GALNT10: variants seen among roughly 807,000 people sequenced by gnomAD.
The protein encoded by GALNT10 is polypeptide N-acetylgalactosaminyltransferase 10.
In GALNT10, 41 loss-of-function variants were observed where a neutral mutation model predicts 75.0. The ratio of observed to expected loss-of-function variants is 0.55; its 90% CI spans 0.43 to 0.71. GALNT10 has a LOEUF of 0.71. Ranked by LOEUF, GALNT10 falls within the 30% of genes least tolerant of loss-of-function variation. The probability of loss-of-function intolerance (pLI) is 0.00; values close to 1 mark genes in which losing one functional copy is unlikely to be tolerated. For synonymous variants in GALNT10, 302 were observed against 313.0 expected (o/e 0.96, Z 0.37); for missense variants, 727 against 818.5 (o/e 0.89, Z 1.36).
chr5:154,332,487 C>T (rs1056303370), intron 4 of GALNT10, among the ~76,000 whole-genome samples: 2 of 152,210 alleles, frequency 1.3e-5, no homozygotes, highest in Non-Finnish European at 2.9e-5. Flanking sequence ...CTCGCCTCAT[C>T]CCATCATCAT....
chr5:154,331,321 A>G (rs1374666413), intron 4 of GALNT10, among the ~76,000 whole-genome samples: 1 of 152,178 alleles, frequency 6.6e-6, no homozygotes, highest in Non-Finnish European at 1.5e-5. Context: ...CCACAAAGCG[A>G]GGCCTATGAG....
intron 7 of GALNT10, chr5:154,392,140 C>T (rs1384681045): frequency 6.6e-6 from 1 of 152,314 alleles, no homozygotes; most frequent in Non-Finnish European, 1.5e-5. Flanking sequence ...CGGGCCAGCC[C>T]CTCTCTGCAG....
Position 154,338,242 on chromosome 5 carries a change from A to G in GALNT10, c.568+8504A>G, listed in dbSNP as rs886231615. ...CTGCATCCATCTTCTCCACGGTGGCATAGGTGGCAAACCCACAGCCCCTGG... is the reference window on the plus strand; with the variant it reads ...CTGCATCCATCTTCTCCACGGTGGCGTAGGTGGCAAACCCACAGCCCCTGG... On this transcript the variant is annotated intron_variant, in intron 4 of 11. Transcript: ENST00000297107. 5.2e-5 allele frequency: 38 copies of G among 727,162 alleles called. No homozygotes were observed. The Admixed American group carries it at 5.6e-4, about 11-fold the overall frequency. The allele number at this position is 727,162 out of a possible 1,614,324, so 45.0% of individuals were successfully genotyped here.
intron 4 of GALNT10, among the ~76,000 whole-genome samples, chr5:154,374,072 C>T (rs1339539971): frequency 6.6e-6 from 1 of 152,100 alleles, no homozygotes; most frequent in Non-Finnish European, 1.5e-5. Flanking sequence ...TTTTTTCGAA[C>T]ATAGTGTTCC....
At chr5:154,228,290 A>G (rs964236922) in intron 1 of GALNT10, among the ~76,000 whole-genome samples, 3 of 152,184 alleles carry the variant, frequency 2.0e-5, no homozygotes, top group African/African-American at 7.2e-5. Context: ...TTGTTTTTCT[A>G]CTGATACTCA....
Position 154,347,577 on chromosome 5 carries a change from G to A in GALNT10, c.568+17839G>A, listed in dbSNP as rs562664454. Among the ~76,000 whole-genome samples the A allele has an allele frequency of 6.6e-5, 10 of 151,948 alleles. No individual in the cohort carries two copies. The East Asian group carries it at 1.6e-3, about 24-fold the overall frequency. ...AGGTCTCGCTGTGTTGCCCAGGCTGGTCTCAAATTCCTGAGCCCAAGTGAT... is the reference window on the plus strand; with the variant it reads ...AGGTCTCGCTGTGTTGCCCAGGCTGATCTCAAATTCCTGAGCCCAAGTGAT... On this transcript the variant is annotated intron_variant, in intron 4 of 11. Coordinates refer to ENST00000297107, the MANE Select transcript of GALNT10 (RefSeq NM_198321.4).
chr5:154,414,088 A>C (rs564214653), intron 10 of GALNT10, among the ~76,000 whole-genome samples: 2 of 152,352 alleles, frequency 1.3e-5, no homozygotes, highest in Admixed American at 1.3e-4. Flanking sequence ...AATTACAAGG[A>C]AATTCCAGCA....
chr5:154,401,567 G>A (rs1319670304), intron 7 of GALNT10, among the ~76,000 whole-genome samples: 2 of 152,206 alleles, frequency 1.3e-5, no homozygotes, highest in Non-Finnish European at 2.9e-5. Flanking sequence ...ACCATCAGGA[G>A]CCCATTATCT....
At chr5:154,358,988 A>G (rs1034069377) in intron 4 of GALNT10, among the ~76,000 whole-genome samples, 1 of 152,172 alleles carries the variant, frequency 6.6e-6, no homozygotes, top group East Asian at 1.9e-4. Context: ...CTGTGTGTGT[A>G]TGAGCCTTTG....
rs370016744 is a variant in GALNT10, at chr5:154,313,959, C to T, written c.402-15613C>T. ...AGTCAGTTTCTTGATGGCTCCAAGA[C>T]GACTGGACATAGTCTTTCTGAGAAT... On this transcript the variant is annotated intron_variant, in intron 3 of 11. Transcript: ENST00000297107. Among the ~76,000 whole-genome samples the T allele has an allele frequency of 5.5e-4, 83 of 152,276 alleles. 1 individual carries two copies. Among genetic ancestry groups the T allele is most frequent in the Admixed American group, 4.2e-3 (65 of 15,302 alleles).
At chr5:154,400,214 G>A (rs1582012978) in intron 7 of GALNT10, among the ~76,000 whole-genome samples, 1 of 152,298 alleles carries the variant, frequency 6.6e-6, no homozygotes, top group African/African-American at 2.4e-5. Flanking sequence ...GGGGGCGGGG[G>A]TGAGGGGCTG....
chr5:154,342,515 G>A (rs566321775), intron 4 of GALNT10, among the ~76,000 whole-genome samples: 1 of 152,338 alleles, frequency 6.6e-6, no homozygotes, highest in East Asian at 1.9e-4. Context: ...ATTCTTAACA[G>A]ACATCTCAGA....
At chr5:154,404,249 G>A (rs200151988) in intron 8 of GALNT10, 38 bp downstream of exon 8, 10 of 1,330,732 alleles carry the variant, frequency 7.5e-6, no homozygotes, top group South Asian at 6.9e-5. Context: ...AGAAGGGGTT[G>A]GCCTAGGACC....
chr5:154,277,100 C>T lies in GALNT10; in HGVS notation c.160-17716C>T, dbSNP rs1226729874. 2.0e-5 allele frequency among the ~76,000 whole-genome samples: 3 copies of T among 152,062 alleles called. No individual in the cohort carries two copies. In the South Asian group the frequency reaches 6.2e-4, roughly 32 times the overall value. ...GTTGCTCAAAGGACTACACATCAGT[C>T]GGGTGGTTTCTCTGGCCTTGGCTGT... On this transcript the variant is annotated intron_variant, in intron 1 of 11. Coordinates refer to ENST00000297107, the MANE Select transcript of GALNT10 (RefSeq NM_198321.4).
intron 1 of GALNT10, among the ~76,000 whole-genome samples, chr5:154,205,548 G>A (rs1217598777): frequency 6.6e-6 from 1 of 152,134 alleles, no homozygotes; most frequent in East Asian, 1.9e-4. Context: ...CTCATGGGTT[G>A]AATCATGTCT....
chr5:154,371,537 A>AGTGT (rs757305979), intron 4 of GALNT10, among the ~76,000 whole-genome samples: 5,319 of 70,718 alleles, frequency 0.075, 123 homozygotes, highest in Middle Eastern at 0.18. Flanking sequence ...GACACACCAC[A>AGTGT]GTGTGTGTGT....
intron 7 of GALNT10, among the ~76,000 whole-genome samples, chr5:154,397,722 C>T (rs1756076633): frequency 6.6e-6 from 1 of 152,216 alleles, no homozygotes; most frequent in Non-Finnish European, 1.5e-5. Context: ...AGCTGAGATG[C>T]CAACGGCAAA....
intron 1 of GALNT10, among the ~76,000 whole-genome samples, chr5:154,257,434 G>A (rs12521748): frequency 0.23 from 35,472 of 152,124 alleles, 4,969 homozygotes; most frequent in Admixed American, 0.38. Context: ...ATTTTTAAAC[G>A]ACATTTGTCT....
chr5:154,266,990 ATCTTAGCACCTTCTGCTAATAT>A (rs2113030535), intron 1 of GALNT10, among the ~76,000 whole-genome samples: 1 of 152,270 alleles, frequency 6.6e-6, no homozygotes, highest in Non-Finnish European at 1.5e-5. Flanking sequence ...TCCCCTGTAG[ATCTTAGCACCTTCTGCTAATAT>A]TGGAGTTAAT....
Sources: gnomAD v4.1 joint callset for allele counts (sites outside exome capture counted in the v4.1 genomes callset) on GRCh38, gnomAD v4.1.1 for gene constraint, MANE v1.5 for transcripts, NCBI Gene and HGNC (gene_info 2026-07-23, HGNC 2026-07-21) for gene names.